The following SLC35F1 variants were observed in gnomAD, a reference collection of about 807,000 sequenced individuals.
SLC35F1 encodes solute carrier family 35 member F1.
SLC35F1 carries 14 observed loss-of-function variants against 48.7 expected under a neutral mutation model. That is an observed-to-expected ratio of 0.29 (90% CI 0.19 to 0.45). The LOEUF (loss-of-function observed/expected upper bound fraction) is 0.45. Among genes scored for constraint, SLC35F1 ranks in the 20% least tolerant of loss-of-function variants. SLC35F1 has a pLI of 1.00. For synonymous variants in SLC35F1, 190 were observed against 202.2 expected, an observed-to-expected ratio of 0.94 and a Z score of 0.51; for missense variants, 404 against 500.0, an observed-to-expected ratio of 0.81 and a Z score of 1.83.
chr6:118,140,462 A>G (rs1411648697), intron 1 of SLC35F1, among the ~76,000 whole-genome samples: 1 of 152,230 alleles, frequency 6.6e-6, no homozygotes, highest in Non-Finnish European at 1.5e-5. Context: ...CAGTCGTACA[A>G]AAGTATAGCA....
chr6:118,176,678 A>G (rs1219465342), intron 2 of SLC35F1, among the ~76,000 whole-genome samples: 1 of 152,148 alleles, frequency 6.6e-6, no homozygotes, highest in African/African-American at 2.4e-5. Context: ...ATATTGTTTT[A>G]TGACAAAGCT....
rs929773064 is a variant in SLC35F1, at chr6:117,940,773, C to T, written c.173+32874C>T. On this transcript the variant is annotated intron_variant, in intron 1 of 7. Transcript: ENST00000360388. ...AGGTGAACCTCCCACCTCAGCCACA[C>T]GAGTAGCTGGGACTACAAGCACATG... 4.6e-5 allele frequency among the ~76,000 whole-genome samples: 7 copies of T among 152,112 alleles called. No homozygotes were observed. The South Asian group carries it at 1.0e-3, about 23-fold the overall frequency.
intron 1 of SLC35F1, among the ~76,000 whole-genome samples, chr6:117,975,738 T>G (rs1240098307): frequency 6.6e-6 from 1 of 152,246 alleles, no homozygotes; most frequent in Admixed American, 6.5e-5. Flanking sequence ...GTCTGTATTC[T>G]AAATAATCTC....
chr6:118,300,917 G>A (rs890859350), intron 7 of SLC35F1, among the ~76,000 whole-genome samples: 14 of 152,154 alleles, frequency 9.2e-5, no homozygotes, highest in East Asian at 1.9e-4. Context: ...TTTCACACCC[G>A]CTTCCTTCTG....
chr6:118,074,950 C>T (rs912884464), intron 1 of SLC35F1, among the ~76,000 whole-genome samples: 2 of 152,200 alleles, frequency 1.3e-5, no homozygotes, highest in African/African-American at 4.8e-5. Flanking sequence ...AGTCGAGACA[C>T]ATAGATTTAA....
At chr6:118,170,621 T>A (rs1473114291) in intron 2 of SLC35F1, among the ~76,000 whole-genome samples, 2 of 151,920 alleles carry the variant, frequency 1.3e-5, no homozygotes, top group Non-Finnish European at 2.9e-5. Context: ...TGTATTTTTT[T>A]ATACAGACAG....
At chr6:118,101,529 G>C (rs1773258015) in intron 1 of SLC35F1, among the ~76,000 whole-genome samples, 1 of 152,196 alleles carries the variant, frequency 6.6e-6, no homozygotes, top group South Asian at 2.1e-4. Flanking sequence ...GACTGTACTT[G>C]CAAATAATAG....
chr6:117,938,851 C>G (rs958314169), intron 1 of SLC35F1, among the ~76,000 whole-genome samples: 5 of 151,942 alleles, frequency 3.3e-5, no homozygotes, highest in Non-Finnish European at 1.5e-5. Flanking sequence ...CCCCCTCCCC[C>G]GCCCTCAGGC....
chr6:118,183,689 A>G (rs1051005244), intron 2 of SLC35F1, among the ~76,000 whole-genome samples: 4 of 152,094 alleles, frequency 2.6e-5, no homozygotes, highest in African/African-American at 9.7e-5. Flanking sequence ...ATCTCAAACT[A>G]GGTAATTCAA....
chr6:117,980,034 C>T (rs1221248513), intron 1 of SLC35F1, among the ~76,000 whole-genome samples: 1 of 152,108 alleles, frequency 6.6e-6, no homozygotes, highest in Non-Finnish European at 1.5e-5. Context: ...GAGTTTGAGG[C>T]CTCTGATTCT....
At chr6:118,225,421 A>G (rs748217029) in intron 2 of SLC35F1, among the ~76,000 whole-genome samples, 4 of 152,342 alleles carry the variant, frequency 2.6e-5, no homozygotes, top group Non-Finnish European at 4.4e-5. Context: ...ATGATCCTGG[A>G]AAAACTGGTT....
At chr6:118,217,079 A>C (rs2114557305) in intron 2 of SLC35F1, among the ~76,000 whole-genome samples, 1 of 152,324 alleles carries the variant, frequency 6.6e-6, no homozygotes, top group South Asian at 2.1e-4. Context: ...TTATCATTTG[A>C]CTTCACATGA....
chr6:118,091,131 T>A (rs1773067614), intron 1 of SLC35F1, among the ~76,000 whole-genome samples: 1 of 152,248 alleles, frequency 6.6e-6, no homozygotes, highest in Non-Finnish European at 1.5e-5. Flanking sequence ...ATGAAGAACA[T>A]GTTTGGATGT....
chr6:118,166,980 G>A (rs1276161368), intron 2 of SLC35F1, among the ~76,000 whole-genome samples: 1 of 152,100 alleles, frequency 6.6e-6, no homozygotes, highest in Non-Finnish European at 1.5e-5. Flanking sequence ...ATCTTATTCA[G>A]ATTTCTCTTA....
intron 2 of SLC35F1, among the ~76,000 whole-genome samples, chr6:118,174,796 C>A (rs1774462008): frequency 6.6e-6 from 1 of 150,844 alleles, no homozygotes; most frequent in Non-Finnish European, 1.5e-5. Flanking sequence ...TTGAAAGCAG[C>A]AAGGAAAAAA....
chr6:117,955,107 T>C (rs1297312754), intron 1 of SLC35F1, among the ~76,000 whole-genome samples: 1 of 152,168 alleles, frequency 6.6e-6, no homozygotes, highest in Non-Finnish European at 1.5e-5. Context: ...AGTTAATACA[T>C]TTTTTAGCAT....
chr6:118,203,521 T>C (rs1173613401), intron 2 of SLC35F1, among the ~76,000 whole-genome samples: 1 of 152,222 alleles, frequency 6.6e-6, no homozygotes, highest in African/African-American at 2.4e-5. Context: ...CCCACAGTGC[T>C]TAATCTAACT....
At chr6:117,967,588 T>C (rs578203375) in intron 1 of SLC35F1, among the ~76,000 whole-genome samples, 5 of 152,356 alleles carry the variant, frequency 3.3e-5, no homozygotes, top group African/African-American at 1.2e-4. Flanking sequence ...TGTGACCCTG[T>C]TTACTCTTGT....
chr6:118,285,459 G>A lies in SLC35F1; in HGVS notation c.1002+121G>A, dbSNP rs1194900497. On this transcript the variant is annotated intron_variant, in intron 7 of 7. Coordinates refer to ENST00000360388, the MANE Select transcript of SLC35F1 (RefSeq NM_001029858.4). ...GTAGGGAATAGTAATGTAACTGGGT[G>A]TGCTAACCTCCATGATTTAGGTATT... is the stretch of plus-strand genomic sequence containing the variant. 3.6e-6 allele frequency: 4 copies of A among 1,103,680 alleles called. No individual in the cohort carries two copies. The African/African-American group carries it at 4.6e-5, about 13-fold the overall frequency. The allele number at this position is 1,103,680 out of a possible 1,614,324, so 68.4% of individuals were successfully genotyped here.
Sources: allele counts gnomAD v4.1 joint callset (sites outside exome capture counted in the v4.1 genomes callset), GRCh38; gene constraint gnomAD v4.1.1; transcripts MANE v1.5; gene names NCBI Gene and HGNC (gene_info 2026-07-23, HGNC 2026-07-21).